The following GRM8 variants were observed in gnomAD, a reference collection of about 807,000 sequenced individuals.
GRM8 encodes the protein metabotropic glutamate receptor 8.
Under a neutral mutation model 87.2 loss-of-function variants are expected in GRM8, and 47 were observed. The observed-to-expected ratio is 0.54, with a 90% CI of 0.43 to 0.69. The LOEUF (loss-of-function observed/expected upper bound fraction) is 0.69. Ranked by LOEUF, GRM8 falls within the 30% of genes least tolerant of loss-of-function variation. GRM8 has a pLI of 0.00. For missense variants in GRM8, 1,019 were observed against 1,139.2 expected (o/e 0.89, Z 1.52); for synonymous variants, 396 against 404.5 (o/e 0.98, Z 0.25).
intron 2 of GRM8, among the ~76,000 whole-genome samples, chr7:127,130,440 A>T (rs1827623280): frequency 1.3e-5 from 2 of 152,186 alleles, no homozygotes; most frequent in Admixed American, 1.3e-4. Context: ...GATATGGACA[A>T]TGAAGTCCAG....
intron 8 of GRM8, among the ~76,000 whole-genome samples, chr7:126,578,086 G>A (rs1795270436): frequency 6.6e-6 from 1 of 152,096 alleles, no homozygotes; most frequent in Non-Finnish European, 1.5e-5. Flanking sequence ...TCTTTTTAAA[G>A]AGAAGACTAA....
chr7:126,854,082 T>C (rs541480287), intron 6 of GRM8, among the ~76,000 whole-genome samples: 41 of 152,226 alleles, frequency 2.7e-4, no homozygotes, highest in African/African-American at 7.9e-4. Context: ...GGAAAACCAT[T>C]TAATGTGTCT....
In GRM8 at chr7:127,045,118, A is replaced by AT. The variant is rs561233341; in HGVS notation, c.727+61377dup. Among the ~76,000 whole-genome samples, 98 of 152,148 alleles carry AT rather than the reference A, an allele frequency of 6.4e-4. No homozygotes were observed. The East Asian group carries it at 0.018, about 28-fold the overall frequency. ...TTATAGAGTATTATTTTAGGTTTTT[A>AT]TTTCCTGAAATCTTTTATCAACTCA... is the stretch of plus-strand genomic sequence containing the variant. On this transcript the variant is annotated intron_variant, in intron 3 of 10. Transcript: ENST00000339582.
At chr7:127,015,058 GAAGAAGAAGAAA>G (rs1376119830) in intron 3 of GRM8, among the ~76,000 whole-genome samples, 18 of 108,462 alleles carry the variant, frequency 1.7e-4, no homozygotes, top group Non-Finnish European at 3.4e-4. Context: ...AGAAGAAGAA[GAAGAAGAAGAAA>G]GAAAGAAGGA....
chr7:126,755,933 A>C (rs1816955393), intron 7 of GRM8, among the ~76,000 whole-genome samples: 1 of 152,026 alleles, frequency 6.6e-6, no homozygotes, highest in Non-Finnish European at 1.5e-5. Flanking sequence ...CCTATGCAGT[A>C]ATATTTTCCA....
At chr7:126,674,788 T>C (rs2151315500) in intron 7 of GRM8, among the ~76,000 whole-genome samples, 1 of 152,118 alleles carries the variant, frequency 6.6e-6, no homozygotes, top group East Asian at 1.9e-4. Context: ...GTCAGATTTG[T>C]ACATAGTAAG....
At chr7:126,596,217 T>C (rs1163242178) in intron 8 of GRM8, among the ~76,000 whole-genome samples, 1 of 152,206 alleles carries the variant, frequency 6.6e-6, no homozygotes, top group Non-Finnish European at 1.5e-5. Flanking sequence ...TTTTAAGTTC[T>C]TTGAGAAATC....
chr7:126,603,033 C>T (rs1797975779), intron 8 of GRM8, among the ~76,000 whole-genome samples: 1 of 147,870 alleles, frequency 6.8e-6, no homozygotes, highest in Admixed American at 6.8e-5. Flanking sequence ...AAAGCTTATC[C>T]ACCATGATCA....
intron 3 of GRM8, among the ~76,000 whole-genome samples, chr7:126,959,566 T>C (rs1331134332): frequency 6.6e-6 from 1 of 152,130 alleles, no homozygotes; most frequent in African/African-American, 2.4e-5. Context: ...CTTTCTGGGG[T>C]TGACAGGTGC....
At chr7:126,503,696 C>T (rs982326666) in intron 9 of GRM8, among the ~76,000 whole-genome samples, 19 of 151,992 alleles carry the variant, frequency 1.3e-4, no homozygotes, top group African/African-American at 4.3e-4. Context: ...AAGTTAACAT[C>T]CATGACAGAG....
At chr7:126,448,146 G>T (rs1802223096) in intron 9 of GRM8, among the ~76,000 whole-genome samples, 1 of 151,834 alleles carries the variant, frequency 6.6e-6, no homozygotes, top group South Asian at 2.1e-4. Flanking sequence ...GGACATAAAG[G>T]TAAGAAAAGA....
intron 6 of GRM8, among the ~76,000 whole-genome samples, chr7:126,801,492 G>A (rs1326034601): frequency 2.0e-5 from 3 of 152,000 alleles, no homozygotes; most frequent in African/African-American, 4.8e-5. Context: ...ATTTATTTTG[G>A]GTAAAATGAA....
intron 6 of GRM8, among the ~76,000 whole-genome samples, chr7:126,786,588 A>G (rs1820648705): frequency 6.6e-6 from 1 of 152,138 alleles, no homozygotes; most frequent in Non-Finnish European, 1.5e-5. Flanking sequence ...GGTCATTTCC[A>G]CTGCCATGTT....
intron 9 of GRM8, among the ~76,000 whole-genome samples, chr7:126,465,478 T>G (rs1303541794): frequency 6.6e-6 from 1 of 151,920 alleles, no homozygotes; most frequent in Non-Finnish European, 1.5e-5. Flanking sequence ...TTTATATACT[T>G]CCATTTACTT....
chr7:126,630,781 A>G (rs999520891), intron 7 of GRM8, among the ~76,000 whole-genome samples: 3 of 152,220 alleles, frequency 2.0e-5, no homozygotes, highest in Non-Finnish European at 4.4e-5. Flanking sequence ...GATAAAAATC[A>G]TATGATTATC....
At chr7:126,523,993 T>C (rs1813441634) in intron 9 of GRM8, among the ~76,000 whole-genome samples, 1 of 152,178 alleles carries the variant, frequency 6.6e-6, no homozygotes, top group African/African-American at 2.4e-5. Flanking sequence ...AAGCAATTAC[T>C]ATATTATGGC....
intron 2 of GRM8, among the ~76,000 whole-genome samples, chr7:127,227,065 A>G (rs535945182): frequency 6.6e-6 from 1 of 152,358 alleles, no homozygotes; most frequent in African/African-American, 2.4e-5. Flanking sequence ...TTCAAAGTAA[A>G]GGTAGAGTCA....
At chr7:126,488,823 T>A (rs1807666736) in intron 9 of GRM8, among the ~76,000 whole-genome samples, 1 of 152,002 alleles carries the variant, frequency 6.6e-6, no homozygotes, top group African/African-American at 2.4e-5. Context: ...CATATGATAA[T>A]GATGATAATA....
chr7:126,524,154 T>C (rs1175451834), intron 9 of GRM8, among the ~76,000 whole-genome samples: 5 of 152,140 alleles, frequency 3.3e-5, no homozygotes, highest in African/African-American at 1.2e-4. Flanking sequence ...GTCTAATATA[T>C]CCTTTCTCGA....
Sources: allele counts gnomAD v4.1 joint callset (sites outside exome capture counted in the v4.1 genomes callset), GRCh38; gene constraint gnomAD v4.1.1; transcripts MANE v1.5; gene names NCBI Gene and HGNC (gene_info 2026-07-23, HGNC 2026-07-21).